SVBP: variants seen among roughly 807,000 people sequenced by gnomAD.
SVBP encodes small vasohibin-binding protein.
In SVBP, 9 loss-of-function variants were observed where a neutral mutation model predicts 9.2. That is an observed-to-expected ratio of 0.98 (90% CI 0.59 to 1.71). SVBP has a LOEUF of 1.71. Ranked by LOEUF, SVBP falls within the 40% of genes most tolerant of loss-of-function variation. The pLI is 0.00. For missense variants in SVBP, 63 were observed against 73.2 expected, an observed-to-expected ratio of 0.86 and a Z score of 0.51; for synonymous variants, 27 against 23.9, an observed-to-expected ratio of 1.13 and a Z score of -0.37.
intron 2 of SVBP, among the ~76,000 whole-genome samples, chr1:42,814,153 A>G (rs1173788160): frequency 6.6e-6 from 1 of 150,638 alleles, no homozygotes; most frequent in Non-Finnish European, 1.5e-5. Flanking sequence ...CAGTGGCACA[A>G]TCTCGGCAAC....
intron 2 of SVBP, chr1:42,816,222 A>C: frequency 2.0e-6 from 1 of 500,374 alleles, no homozygotes; most frequent in South Asian, 3.0e-5. Flanking sequence ...TCCGCACCAG[A>C]CTGGGGTTCT....
rs1040849703 is a variant in SVBP, at chr1:42,807,231, A to C, written c.*183T>G. 15 of 415,412 alleles carry C rather than the reference A, an allele frequency of 3.6e-5. 1 individual carries two copies. The highest frequency in any genetic ancestry group is 1.6e-4 in the South Asian group (2 of 12,690). 25.7% of individuals were successfully genotyped at this position (415,412 alleles called of 1,614,324 possible). A position where few individuals can be genotyped will look rare whatever the true frequency, so the allele number is the denominator to read the frequency against. On this transcript the variant is annotated 3_prime_UTR_variant, in exon 3 of 3. Transcript: ENST00000372521. Reference sequence around the variant, plus strand: ...AAGAAAACAAGTCTCTTCAGCAAGCATGTGGCCAATTCAGATGGGAGGAAC... The same window carrying C: ...AAGAAAACAAGTCTCTTCAGCAAGCCTGTGGCCAATTCAGATGGGAGGAAC...
chr1:42,810,158 AT>A (rs1293576161), intron 2 of SVBP, among the ~76,000 whole-genome samples: 4 of 146,942 alleles, frequency 2.7e-5, no homozygotes, highest in African/African-American at 8.0e-5. Flanking sequence ...ACACACATAT[AT>A]TTTTTTTGTG....
intron 2 of SVBP, among the ~76,000 whole-genome samples, chr1:42,812,880 A>T (rs548964736): frequency 1.8e-4 from 28 of 152,326 alleles, no homozygotes; most frequent in East Asian, 1.3e-3. Flanking sequence ...TAATATTTTT[A>T]AAAAAACAGG....
chr1:42,810,428 G>C (rs1474714235), intron 2 of SVBP, among the ~76,000 whole-genome samples: 4 of 152,122 alleles, frequency 2.6e-5, no homozygotes. Flanking sequence ...TTACAGGTGT[G>C]AGCCACTGTG....
At chr1:42,811,636 C>T (rs917500896) in intron 2 of SVBP, among the ~76,000 whole-genome samples, 2 of 152,190 alleles carry the variant, frequency 1.3e-5, no homozygotes, top group Admixed American at 6.5e-5. Context: ...CCAAGTACTG[C>T]GCTATGGGCT....
chr1:42,815,562 T>A (rs887787608), intron 2 of SVBP, among the ~76,000 whole-genome samples: 3 of 152,186 alleles, frequency 2.0e-5, no homozygotes, highest in South Asian at 2.1e-4. Flanking sequence ...ATACTATAAA[T>A]AATTTAAATG....
At chr1:42,810,157 T>G (rs1290988714) in intron 2 of SVBP, among the ~76,000 whole-genome samples, 2 of 148,266 alleles carry the variant, frequency 1.3e-5, no homozygotes, top group African/African-American at 5.3e-5. Flanking sequence ...CACACACATA[T>G]ATTTTTTTTG....
At chr1:42,811,335 C>T (rs1654079963) in intron 2 of SVBP, among the ~76,000 whole-genome samples, 1 of 152,170 alleles carries the variant, frequency 6.6e-6, no homozygotes, top group African/African-American at 2.4e-5. Context: ...ATATATTTTA[C>T]ATATCGGATT....
intron 2 of SVBP, among the ~76,000 whole-genome samples, chr1:42,811,335 CA>C (rs1654080071): frequency 6.6e-6 from 1 of 152,170 alleles, no homozygotes; most frequent in Non-Finnish European, 1.5e-5. Flanking sequence ...ATATATTTTA[CA>C]TATCGGATTA....
At chr1:42,816,296 C>T (rs573089617) in intron 2 of SVBP, 135 bp downstream of exon 2, 2 of 668,386 alleles carry the variant, frequency 3.0e-6, no homozygotes, top group Admixed American at 2.6e-5. Context: ...GTGTTGTCCC[C>T]TCTAAACCTG....
chr1:42,808,392 T>A (rs1315423389), intron 2 of SVBP, among the ~76,000 whole-genome samples: 2 of 144,930 alleles, frequency 1.4e-5, no homozygotes, highest in African/African-American at 5.0e-5. Context: ...ATATAGGCTA[T>A]ATATAGTATA....
At chr1:42,811,945 A>G (rs983597621) in intron 2 of SVBP, among the ~76,000 whole-genome samples, 6 of 152,140 alleles carry the variant, frequency 3.9e-5, no homozygotes, top group Non-Finnish European at 5.9e-5. Context: ...GGATTTTAAC[A>G]TAATTACTAT....
intron 2 of SVBP, among the ~76,000 whole-genome samples, chr1:42,808,110 T>A (rs1166635133): frequency 1.4e-5 from 2 of 140,766 alleles, no homozygotes; most frequent in Non-Finnish European, 3.0e-5. Flanking sequence ...CAAAGATAAG[T>A]GTGCAGGGGA....
chr1:42,808,175 A>AGCT (rs1164429162), intron 2 of SVBP, among the ~76,000 whole-genome samples: 2 of 74,224 alleles, frequency 2.7e-5, no homozygotes, highest in Non-Finnish European at 6.0e-5. Flanking sequence ...ATATATATAT[A>AGCT]TATACATACT....
At chr1:42,816,604 A>T in intron 1 of SVBP, 24 bp from the exon 2 acceptor site, 2 of 1,210,924 alleles carry the variant, frequency 1.7e-6, no homozygotes, top group East Asian at 2.3e-5. Flanking sequence ...AAAGAGGCAG[A>T]TCTTCAAAAC....
intron 2 of SVBP, among the ~76,000 whole-genome samples, chr1:42,808,451 A>G: frequency 6.9e-6 from 1 of 145,744 alleles, no homozygotes; most frequent in East Asian, 2.0e-4. Context: ...TATACACTAT[A>G]TAGCTTATAT....
rs1570520548 is a variant in SVBP, at chr1:42,816,731, G to A, written c.-36-151C>T. ...AAGGGCGCTGGATGTGGGGGAGTAG[G>A]AACCGAGTCCCAAGGCCACAACCTC... On this transcript the variant is annotated intron_variant, in intron 1 of 2. Coordinates refer to ENST00000372521, the MANE Select transcript of SVBP (RefSeq NM_199342.4). 3.5e-5 allele frequency: 19 copies of A among 546,412 alleles called. No individual in the cohort carries two copies. In the East Asian group the frequency reaches 6.1e-4, roughly 18 times the overall value. 33.8% of individuals were successfully genotyped at this position (546,412 alleles called of 1,614,324 possible).
rs780066142 is a variant in SVBP at position 42,817,159 on chromosome 1, G to A, written c.-37+31C>T. The A allele has an allele frequency of 2.2e-3, 2,626 of 1,204,186 alleles. 2 individuals are homozygous for A. The highest frequency in any genetic ancestry group is 2.7e-3 in the Non-Finnish European group (2,556 of 943,762). 74.6% of individuals were successfully genotyped at this position (1,204,186 alleles called of 1,614,324 possible). On this transcript the variant is annotated intron_variant, in intron 1 of 2. Coordinates refer to ENST00000372521, the MANE Select transcript of SVBP (RefSeq NM_199342.4). ...CTGGAGGAAAATGGCGGTCGCTGGA[G>A]CCGCCGACCAAGAGGCTTGGGAGTC...
Sources: gnomAD v4.1 joint callset for allele counts (sites outside exome capture counted in the v4.1 genomes callset) on GRCh38, gnomAD v4.1.1 for gene constraint, MANE v1.5 for transcripts, NCBI Gene and HGNC (gene_info 2026-07-23, HGNC 2026-07-21) for gene names.